The following STOX2 variants were observed in gnomAD, a reference collection of about 807,000 sequenced individuals.
STOX2 encodes the protein storkhead box 2.
In STOX2, 28 loss-of-function variants were observed where a neutral mutation model predicts 60.9. The observed-to-expected ratio is 0.46, with a 90% CI of 0.34 to 0.63. STOX2 has a LOEUF of 0.63. STOX2 is among the 30% of genes least tolerant of loss of function. The pLI, the probability that STOX2 is intolerant of heterozygous loss-of-function variation, is 0.01. For missense variants in STOX2, 1,024 were observed against 1,187.7 expected, an observed-to-expected ratio of 0.86 and a Z score of 2.03; for synonymous variants, 472 against 463.9, an observed-to-expected ratio of 1.02 and a Z score of -0.22.
At position 183,858,563 on chromosome 4, in the gene STOX2, G is replaced by A. The variant is rs528508986; in HGVS notation, c.364+60508G>A. On this transcript the variant is annotated intron_variant, in intron 1 of 2. Transcript: ENST00000513034. The stretch of plus-strand genomic sequence containing the variant: ...GTTACCCAAGTGGTTCATGTTCATG[G>A]TGGAAAATAATTAGAAAATAGAGAA... Among the ~76,000 whole-genome samples, 5 of 152,228 alleles carry A rather than the reference G, an allele frequency of 3.3e-5. No homozygotes were observed. The South Asian group carries it at 1.0e-3, about 32-fold the overall frequency.
rs1553987518 is a variant in STOX2, at chr4:184,007,045, A to AAAC, written c.320-2111_320-2110insCAA. Among the ~76,000 whole-genome samples, 141 of 118,454 alleles carry AAAC rather than the reference A, an allele frequency of 1.2e-3. 4 individuals carry two copies. Among genetic ancestry groups the AAAC allele is most frequent in the African/African-American group, 3.5e-3 (113 of 31,884 alleles). The allele number at this position is 118,454 out of a possible 152,430, so 77.7% of individuals were successfully genotyped here. ...AAAAAAAAAAAAACAAAACAAAAAA[A>AAAC]AAATTTTGTTATTATTGGTCTTAAA... is the stretch of plus-strand genomic sequence containing the variant. On this transcript the variant is annotated intron_variant, in intron 2 of 3. Coordinates refer to ENST00000308497, the MANE Select transcript of STOX2 (RefSeq NM_020225.3).
rs1163795455 is a variant in STOX2 at position 184,021,149 on chromosome 4, A to G, written c.*3865A>G. The G allele has an allele frequency of 6.6e-6, 1 of 152,242 alleles. No individual in the cohort carries two copies. The highest frequency in any genetic ancestry group is 2.4e-5 in the African/African-American group (1 of 41,462). The allele number at this position is 152,242 out of a possible 1,614,324, so 9.4% of individuals were successfully genotyped here. A position where few individuals can be genotyped will look rare whatever the true frequency, so the allele number is the denominator to read the frequency against. On this transcript the variant is annotated 3_prime_UTR_variant, in exon 4 of 4. Coordinates refer to ENST00000308497, the MANE Select transcript of STOX2 (RefSeq NM_020225.3). ...TTGGAGCTTCATTTAAAAACCAACA[A>G]CAACCGATAATGACTTTGCACGATT... is the stretch of plus-strand genomic sequence containing the variant.
chr4:183,864,014 C>T (rs1275938291), intron 1 of STOX2, among the ~76,000 whole-genome samples: 1 of 152,108 alleles, frequency 6.6e-6, no homozygotes, highest in Non-Finnish European at 1.5e-5. Flanking sequence ...TCTGTATTTC[C>T]TCCTTCATTT....
At chr4:183,973,847 A>G (rs1273665828) in intron 1 of STOX2, among the ~76,000 whole-genome samples, 1 of 152,182 alleles carries the variant, frequency 6.6e-6, no homozygotes, top group Non-Finnish European at 1.5e-5. Context: ...TACAAAAATT[A>G]GCTGGGCGTG....
chr4:183,817,997 C>A (rs1739190987), intron 1 of STOX2, among the ~76,000 whole-genome samples: 1 of 151,882 alleles, frequency 6.6e-6, no homozygotes, highest in Non-Finnish European at 1.5e-5. Flanking sequence ...TTTCGGTGAG[C>A]AAGCACCCTC....
intron 1 of STOX2, among the ~76,000 whole-genome samples, chr4:183,899,813 G>A (rs1234026065): frequency 6.6e-6 from 1 of 152,192 alleles, no homozygotes; most frequent in Admixed American, 6.5e-5. Flanking sequence ...ACTAAACAAT[G>A]TATTTTCAAT....
chr4:183,831,113 T>C (rs984066649), intron 1 of STOX2, among the ~76,000 whole-genome samples: 3 of 148,172 alleles, frequency 2.0e-5, no homozygotes, highest in Non-Finnish European at 4.5e-5. Flanking sequence ...TCCTTCCTGG[T>C]GGGTGTGGAG....
At chr4:183,987,514 CAG>C (rs966642124) in intron 1 of STOX2, among the ~76,000 whole-genome samples, 11 of 152,108 alleles carry the variant, frequency 7.2e-5, no homozygotes, top group Admixed American at 5.2e-4. Context: ...TTTTAAGAAA[CAG>C]GGGAGGAACC....
intron 2 of STOX2, among the ~76,000 whole-genome samples, chr4:184,004,299 C>G (rs979792316): frequency 3.9e-5 from 6 of 152,164 alleles, no homozygotes; most frequent in African/African-American, 1.4e-4. Context: ...AGTGAATAGT[C>G]TTCCAGCAAA....
rs1030904884 is a variant in STOX2 at position 183,860,965 on chromosome 4, C to T, written c.364+62910C>T. ...CCATTAGTTGTTTGCAAAGGGATTACGCTTTGGCAGCCATGCTAATCGCTC... is the reference window on the plus strand; with the variant it reads ...CCATTAGTTGTTTGCAAAGGGATTATGCTTTGGCAGCCATGCTAATCGCTC... On this transcript the variant is annotated intron_variant, in intron 1 of 2. Coordinates refer to the STOX2 transcript ENST00000513034. 2.0e-4 allele frequency among the ~76,000 whole-genome samples: 30 copies of T among 152,188 alleles called. 1 individual carries two copies. The highest frequency in any genetic ancestry group is 6.8e-4 in the African/African-American group (28 of 41,442).
At chr4:183,938,405 A>G (rs1256944748) in intron 1 of STOX2, among the ~76,000 whole-genome samples, 4 of 152,206 alleles carry the variant, frequency 2.6e-5, no homozygotes, top group African/African-American at 9.7e-5. Context: ...ACGGTGGCTC[A>G]CGCTTGTAAT....
At chr4:184,016,212 T>C (rs2871386) in intron 3 of STOX2, 78,426 of 151,886 alleles carry the variant, frequency 0.52, 23,392 homozygotes, top group Non-Finnish European at 0.69. Context: ...AACACGAAAA[T>C]TAGCCGGGTG....
At chr4:183,830,758 G>T (rs1321811776) in intron 1 of STOX2, among the ~76,000 whole-genome samples, 1 of 152,180 alleles carries the variant, frequency 6.6e-6, no homozygotes, top group East Asian at 1.9e-4. Flanking sequence ...CAGCTGAAAA[G>T]TAGTCATTAA....
intron 1 of STOX2, among the ~76,000 whole-genome samples, chr4:183,805,460 A>G (rs187604219): frequency 1.3e-5 from 2 of 152,308 alleles, no homozygotes; most frequent in South Asian, 2.1e-4. Flanking sequence ...TACTATAATA[A>G]TAGCTAGATC....
rs1386891678 is a variant in STOX2 at position 183,875,066 on chromosome 4, AAC to A, written c.364+77013_364+77014del. Among the ~76,000 whole-genome samples the A allele has an allele frequency of 2.3e-4, 23 of 98,384 alleles. 1 individual carries two copies. The highest frequency in any genetic ancestry group is 7.4e-4 in the African/African-American group (23 of 31,118). The allele number at this position is 98,384 out of a possible 152,430, so 64.5% of individuals were successfully genotyped here. ...GCTTTGGTTTCTGTGATTTCTCAAG[AAC>A]AGAGTCACATACATCTCAAGAGCTC... On this transcript the variant is annotated intron_variant, in intron 1 of 2. Coordinates refer to the STOX2 transcript ENST00000513034.
Position 183,821,456 on chromosome 4 carries a change from C to T in STOX2, c.364+23401C>T, listed in dbSNP as rs1470154617. Among the ~76,000 whole-genome samples the T allele has an allele frequency of 6.6e-6, 1 of 152,254 alleles. No individual in the cohort carries two copies. The highest frequency in any genetic ancestry group is 1.5e-5 in the Non-Finnish European group (1 of 68,044). ...TTAGCTGCTCTGAAAATTGTAATTC[C>T]TTTTCTTCTACCTGCTGGATATTTT... On this transcript the variant is annotated intron_variant, in intron 1 of 2. Transcript: ENST00000513034. The surrounding 1 kb of genome is among the most constrained non-coding windows in gnomAD (Gnocchi z 4.2).
chr4:183,894,866 G>A (rs547687398), intron 1 of STOX2, among the ~76,000 whole-genome samples: 101 of 152,276 alleles, frequency 6.6e-4, no homozygotes, highest in Admixed American at 1.2e-3. Context: ...AACGAGCTGC[G>A]GGGAAGTCAT....
intron 1 of STOX2, among the ~76,000 whole-genome samples, chr4:183,892,302 G>T (rs910708024): frequency 1.3e-5 from 2 of 152,136 alleles, no homozygotes; most frequent in African/African-American, 4.8e-5. Context: ...TTTTTGAGAC[G>T]GAGTCTCGCT....
chr4:183,914,515 G>A (rs745509981), intron 1 of STOX2, among the ~76,000 whole-genome samples: 6 of 152,188 alleles, frequency 3.9e-5, no homozygotes, highest in Non-Finnish European at 8.8e-5. Context: ...AAATGACCAG[G>A]AACCTGCAGA....
Sources: gnomAD v4.1 joint callset for allele counts (sites outside exome capture counted in the v4.1 genomes callset) on GRCh38, gnomAD v4.1.1 for gene constraint, Gnocchi (gnomAD v3.1) non-coding constraint, MANE v1.5 for transcripts, NCBI Gene and HGNC (gene_info 2026-07-23, HGNC 2026-07-21) for gene names.